LOC112694756: variants seen among roughly 807,000 people sequenced by gnomAD.
the LOC112694756 span, among the ~76,000 whole-genome samples, chr16:30,056,647 C>T: frequency 6.6e-6 from 1 of 152,290 alleles, no homozygotes; most frequent in Middle Eastern, 3.4e-3. Context: ...GTCACCCAGG[C>T]TGGAGTCTGG....
the LOC112694756 span, chr16:30,070,327 C>T: frequency 1.4e-5 from 13 of 946,156 alleles, no homozygotes; most frequent in Admixed American, 5.7e-5. Context: ...TTTCTTCCCT[C>T]GTGACAGTGG....
chr16:30,069,827 C>A, the LOC112694756 span: 1 of 1,614,126 alleles, frequency 6.2e-7, no homozygotes, highest in Non-Finnish European at 8.5e-7. Context: ...CCCTGCTCTA[C>A]AGGGATCACC....
chr16:30,068,958 TA>T, the LOC112694756 span: 2 of 1,614,142 alleles, frequency 1.2e-6, no homozygotes, highest in Non-Finnish European at 1.7e-6. Context: ...TCTGGCCCGT[TA>T]TGCCAGTATC....
chr16:30,069,885 T>G, the LOC112694756 span: 1 of 1,614,062 alleles, frequency 6.2e-7, no homozygotes, highest in Non-Finnish European at 8.5e-7. Context: ...TCAACCTCAA[T>G]GCCATTAACA....
chr16:30,064,124 T>C, the LOC112694756 span: 2 of 396,070 alleles, frequency 5.0e-6, no homozygotes, highest in South Asian at 1.3e-4. Context: ...CTATTTGAAG[T>C]TGGGCAGGGG....
the LOC112694756 span, among the ~76,000 whole-genome samples, chr16:30,056,164 C>T: frequency 7.3e-6 from 1 of 137,488 alleles, no homozygotes; most frequent in African/African-American, 2.8e-5. Flanking sequence ...GGCTAGAGTA[C>T]AGTGGTGTAA....
At chr16:30,056,969 G>A in the LOC112694756 span, among the ~76,000 whole-genome samples, 3 of 147,358 alleles carry the variant, frequency 2.0e-5, no homozygotes. Flanking sequence ...GGAGTGCAAT[G>A]GTGCAATCTC....
At chr16:30,069,131 G>T in the LOC112694756 span, 2 of 1,372,312 alleles carry the variant, frequency 1.5e-6, no homozygotes, top group South Asian at 1.2e-5. Flanking sequence ...AGGCAGAGGG[G>T]CCAAGGAGGG....
At chr16:30,066,833 T>C in the LOC112694756 span, 2 of 1,520,474 alleles carry the variant, frequency 1.3e-6, no homozygotes, top group Non-Finnish European at 1.8e-6. Flanking sequence ...GGCCCTCTGC[T>C]TGATTCACGA....
At chr16:30,057,037 A>G in the LOC112694756 span, among the ~76,000 whole-genome samples, 1 of 151,698 alleles carries the variant, frequency 6.6e-6, no homozygotes, top group Admixed American at 6.6e-5. Flanking sequence ...CAGCCTCCCA[A>G]GTAGCTGGGA....
chr16:30,057,969 G>A, the LOC112694756 span, among the ~76,000 whole-genome samples: 2 of 151,960 alleles, frequency 1.3e-5, no homozygotes, highest in African/African-American at 4.8e-5. Context: ...TCTTGCCTTA[G>A]AGGAGATGCT....
the LOC112694756 span, chr16:30,069,436 C>T: frequency 6.2e-7 from 1 of 1,613,916 alleles, no homozygotes; most frequent in Non-Finnish European, 8.5e-7. Context: ...GGCCGGGGAC[C>T]CTGGGGCTAA....
chr16:30,069,866 A>C, the LOC112694756 span: 4 of 1,614,030 alleles, frequency 2.5e-6, no homozygotes, highest in East Asian at 2.2e-5. Flanking sequence ...AGTGAGGAGG[A>C]GGCGTCCATC....
the LOC112694756 span, chr16:30,067,426 C>T: frequency 8.4e-5 from 135 of 1,613,528 alleles, no homozygotes; most frequent in Non-Finnish European, 1.0e-4. Context: ...GGCTGATCCC[C>T]TAATTCCCAT....
At chr16:30,055,000 C>G in the LOC112694756 span, 1 of 382,384 alleles carries the variant, frequency 2.6e-6, no homozygotes, top group Non-Finnish European at 4.6e-6. Context: ...CCTTCATCTG[C>G]AGGCTCTTAC....
At chr16:30,065,075 C>T in the LOC112694756 span, among the ~76,000 whole-genome samples, 3 of 152,240 alleles carry the variant, frequency 2.0e-5, no homozygotes, top group Non-Finnish European at 4.4e-5. Context: ...CTGGCTGCGG[C>T]GGCCCGGCGG....
the LOC112694756 span, among the ~76,000 whole-genome samples, chr16:30,065,236 G>T: frequency 2.0e-5 from 3 of 152,184 alleles, no homozygotes; most frequent in Admixed American, 2.0e-4. Flanking sequence ...TTACGCCTGG[G>T]CCAGTGACAG....
the LOC112694756 span, among the ~76,000 whole-genome samples, chr16:30,055,562 C>A: frequency 6.6e-6 from 1 of 152,110 alleles, no homozygotes; most frequent in African/African-American, 2.4e-5. Context: ...ATGTGGGTAA[C>A]ATGTAGAGTA....
At chr16:30,070,099 A>T in the LOC112694756 span, 2 of 1,613,462 alleles carry the variant, frequency 1.2e-6, no homozygotes, top group Non-Finnish European at 1.7e-6. Context: ...TTCTCACTCC[A>T]CCCCTCTCCC....
Sources: allele counts gnomAD v4.1 joint callset (sites outside exome capture counted in the v4.1 genomes callset), GRCh38; gene constraint gnomAD v4.1.1; transcripts MANE v1.5.